TM9SF3: variants seen among roughly 807,000 people sequenced by gnomAD.
TM9SF3 encodes the protein SM-11044-binding protein.
Under a neutral mutation model 78.6 loss-of-function variants are expected in TM9SF3, and 14 were observed. That is an observed-to-expected ratio of 0.18 (90% CI 0.12 to 0.28). The LOEUF is 0.28. Among genes scored for constraint, TM9SF3 ranks in the 10% least tolerant of loss-of-function variants. The pLI is 1.00. For missense variants in TM9SF3, 496 were observed against 721.9 expected (o/e 0.69, Z 3.59); for synonymous variants, 231 against 241.7 (o/e 0.96, Z 0.41).
chr10:96,549,028 A>G (rs1272028254), intron 7 of TM9SF3, among the ~76,000 whole-genome samples: 1 of 152,068 alleles, frequency 6.6e-6, no homozygotes, highest in African/African-American at 2.4e-5. Context: ...CTGAAGAGGT[A>G]TTTAGCCTAC....
intron 5 of TM9SF3, among the ~76,000 whole-genome samples, chr10:96,556,497 G>A (rs1179840426): frequency 6.6e-6 from 1 of 152,176 alleles, no homozygotes; most frequent in African/African-American, 2.4e-5. Context: ...ATTAGTCACT[G>A]TATTAGAAGC....
At position 96,556,937 on chromosome 10, in the gene TM9SF3, C is replaced by A. The variant is rs80279794; in HGVS notation, c.660+2722G>T. On this transcript the variant is annotated intron_variant, in intron 5 of 14. Transcript: ENST00000371142. The stretch of plus-strand genomic sequence containing the variant: ...CAGCAAAAATTCAGAGCTAATCTCT[C>A]TATCCTCCATGATACACTTTCTTCT... Among the ~76,000 whole-genome samples the A allele has an allele frequency of 5.2e-3, 797 of 152,258 alleles. 9 individuals carry two copies. The highest frequency in any genetic ancestry group is 0.018 in the African/African-American group (764 of 41,540).
At chr10:96,568,662 T>C (rs924802291) in intron 2 of TM9SF3, among the ~76,000 whole-genome samples, 1 of 152,142 alleles carries the variant, frequency 6.6e-6, no homozygotes, top group Admixed American at 6.6e-5. Context: ...AACATTACAT[T>C]TGGAAAATGA....
At chr10:96,559,176 T>G (rs1329104722) in intron 5 of TM9SF3, among the ~76,000 whole-genome samples, 1 of 152,170 alleles carries the variant, frequency 6.6e-6, no homozygotes, top group Admixed American at 6.5e-5. Context: ...GATGCATACA[T>G]TCTGTTCTTT....
chr10:96,545,779 T>C (rs1032978704), intron 8 of TM9SF3, among the ~76,000 whole-genome samples: 2 of 152,004 alleles, frequency 1.3e-5, no homozygotes, highest in Admixed American at 6.6e-5. Context: ...ATCCTAGCTA[T>C]TGAGCAGGCT....
intron 2 of TM9SF3, among the ~76,000 whole-genome samples, chr10:96,567,864 C>G (rs1468703521): frequency 6.6e-6 from 1 of 152,194 alleles, no homozygotes; most frequent in Non-Finnish European, 1.5e-5. Flanking sequence ...AAGGAAATCA[C>G]TACACATATT....
chr10:96,549,574 A>C (rs1284224461), intron 7 of TM9SF3, among the ~76,000 whole-genome samples: 2 of 152,156 alleles, frequency 1.3e-5, no homozygotes, highest in Admixed American at 6.6e-5. Context: ...AATGTGCATG[A>C]AACACCTAAA....
chr10:96,552,758 G>A (rs1422430797), intron 6 of TM9SF3, among the ~76,000 whole-genome samples, 170 bp downstream of exon 6: 1 of 152,034 alleles, frequency 6.6e-6, no homozygotes, highest in African/African-American at 2.4e-5. Context: ...TTTGATTACA[G>A]GGCATGGTTA....
chr10:96,557,109 C>A (rs558408342), intron 5 of TM9SF3, among the ~76,000 whole-genome samples: 16 of 152,298 alleles, frequency 1.1e-4, no homozygotes, highest in Admixed American at 7.9e-4. Context: ...GCAATTATTA[C>A]ATCCAGTCTC....
At chr10:96,542,310 T>C (rs1159379046) in intron 9 of TM9SF3, among the ~76,000 whole-genome samples, 3 of 152,174 alleles carry the variant, frequency 2.0e-5, no homozygotes, top group Admixed American at 1.3e-4. Context: ...ATTAGACTAA[T>C]GCAAATTAAG....
intron 9 of TM9SF3, among the ~76,000 whole-genome samples, chr10:96,534,818 T>C (rs1399916893): frequency 1.3e-5 from 2 of 152,206 alleles, no homozygotes; most frequent in East Asian, 1.9e-4. Context: ...ATCAGTATAC[T>C]GGAGATATCA....
Position 96,583,337 on chromosome 10 carries a change from A to G in TM9SF3, c.102+3397T>C, listed in dbSNP as rs577629935. On this transcript the variant is annotated intron_variant, in intron 1 of 14. Coordinates refer to ENST00000371142, the MANE Select transcript of TM9SF3 (RefSeq NM_020123.4). ...CAGGATAGCATGAAAACAAGCTCTC[A>G]CACAGTCTTTTGTGACTATTCAGGG... Among the ~76,000 whole-genome samples, 12 of 152,328 alleles carry G rather than the reference A, an allele frequency of 7.9e-5. 1 individual carries two copies. In the South Asian group the frequency reaches 2.1e-3, roughly 26 times the overall value.
At chr10:96,534,169 A>C (rs562623488) in intron 9 of TM9SF3, among the ~76,000 whole-genome samples, 21 of 152,312 alleles carry the variant, frequency 1.4e-4, no homozygotes, top group African/African-American at 5.1e-4. Flanking sequence ...AATATTAGTA[A>C]AAATTCTTCA....
chr10:96,550,740 T>C (rs897446035), intron 7 of TM9SF3, among the ~76,000 whole-genome samples: 1 of 152,210 alleles, frequency 6.6e-6, no homozygotes, highest in Non-Finnish European at 1.5e-5. Flanking sequence ...CATACTGACC[T>C]AGGAGTTTTT....
intron 2 of TM9SF3, among the ~76,000 whole-genome samples, chr10:96,566,257 TCTATA>T (rs1386283074): frequency 2.0e-5 from 3 of 152,244 alleles, no homozygotes; most frequent in Admixed American, 6.5e-5. Context: ...GTTTTTAAGT[TCTATA>T]CTATATTTGT....
chr10:96,520,707 C>T lies in TM9SF3; in HGVS notation c.*1556G>A, dbSNP rs1847756031. 1 of 390,812 alleles carries T rather than the reference C, an allele frequency of 2.6e-6. No individual in the cohort carries two copies. Among genetic ancestry groups the T allele is most frequent in the Non-Finnish European group, 4.5e-6 (1 of 220,884 alleles). The allele number at this position is 390,812 out of a possible 1,614,324, so 24.2% of individuals were successfully genotyped here. A position where few individuals can be genotyped will look rare whatever the true frequency, so the allele number is the denominator to read the frequency against. ...AAAACTGTAACCTTTATTTGTTGATCCAACAGTACGTTAACCACTTTTACC... is the reference window on the plus strand; with the variant it reads ...AAAACTGTAACCTTTATTTGTTGATTCAACAGTACGTTAACCACTTTTACC... On this transcript the variant is annotated 3_prime_UTR_variant, in exon 15 of 15. Coordinates refer to ENST00000371142, the MANE Select transcript of TM9SF3 (RefSeq NM_020123.4).
intron 3 of TM9SF3, among the ~76,000 whole-genome samples, chr10:96,563,151 C>T (rs1848329647): frequency 6.6e-6 from 1 of 152,174 alleles, no homozygotes; most frequent in Non-Finnish European, 1.5e-5. Flanking sequence ...TCATAGCTCA[C>T]TGCAGTCTCA....
At chr10:96,549,596 A>G (rs139345251) in intron 7 of TM9SF3, among the ~76,000 whole-genome samples, 12 of 152,268 alleles carry the variant, frequency 7.9e-5, no homozygotes, top group Middle Eastern at 3.4e-3. Context: ...TGAAATCTCA[A>G]TAAGTTGGCC....
At chr10:96,554,513 T>C (rs1282273161) in intron 5 of TM9SF3, among the ~76,000 whole-genome samples, 2 of 152,178 alleles carry the variant, frequency 1.3e-5, no homozygotes, top group Non-Finnish European at 2.9e-5. Flanking sequence ...CCTACTTCAC[T>C]GACCGCTGCT....
Sources: gnomAD v4.1 joint callset for allele counts (sites outside exome capture counted in the v4.1 genomes callset) on GRCh38, gnomAD v4.1.1 for gene constraint, MANE v1.5 for transcripts, NCBI Gene and HGNC (gene_info 2026-07-23, HGNC 2026-07-21) for gene names.